The following WASF3 variants were observed in gnomAD, a reference collection of about 807,000 sequenced individuals.
WASF3 encodes WASP family member 3.
A neutral mutation model predicts 46.6 loss-of-function variants in WASF3; 11 were observed. The observed-to-expected ratio is 0.24, with a 90% confidence interval of 0.15 to 0.39. The LOEUF is 0.39. Ranked by LOEUF, WASF3 falls within the 10% of genes least tolerant of loss-of-function variation. The pLI, the probability that WASF3 is intolerant of heterozygous loss-of-function variation, is 1.00. For synonymous variants in WASF3, 242 were observed against 259.7 expected (o/e 0.93, Z 0.65); for missense variants, 576 against 669.8 (o/e 0.86, Z 1.55).
At chr13:26,680,099 G>A in intron 7 of WASF3, 1 of 1,598,124 alleles carries the variant, frequency 6.3e-7, no homozygotes, top group Non-Finnish European at 8.5e-7. Context: ...GTCAGAACAA[G>A]AAAAGAAGAG....
chr13:26,672,653 G>A (rs77626179), intron 6 of WASF3, among the ~76,000 whole-genome samples: 1 of 152,122 alleles, frequency 6.6e-6, no homozygotes, highest in Non-Finnish European at 1.5e-5. Flanking sequence ...TTCTCTAAGG[G>A]CAAGTATTTA....
At chr13:26,623,320 A>T (rs1049604717) in intron 2 of WASF3, among the ~76,000 whole-genome samples, 1 of 152,096 alleles carries the variant, frequency 6.6e-6, no homozygotes, top group Non-Finnish European at 1.5e-5. Context: ...TGCCACTGGG[A>T]GACAGGCATG....
intron 2 of WASF3, among the ~76,000 whole-genome samples, chr13:26,622,413 T>C (rs1881334351): frequency 6.6e-6 from 1 of 152,238 alleles, no homozygotes; most frequent in African/African-American, 2.4e-5. Flanking sequence ...CTACATCCCA[T>C]GAACCCTTAC....
At chr13:26,639,934 G>C (rs1038117324) in intron 2 of WASF3, 3 of 152,298 alleles carry the variant, frequency 2.0e-5, no homozygotes, top group African/African-American at 7.2e-5. Context: ...AATTTCAGTG[G>C]GCTCTCAGCT....
intron 3 of WASF3, among the ~76,000 whole-genome samples, chr13:26,660,223 TTTTTTTAGCAAAA>T (rs1882589435): frequency 7.6e-6 from 1 of 131,158 alleles, no homozygotes; most frequent in African/African-American, 3.2e-5. Flanking sequence ...TTTTTTTTTT[TTTTTTTAGCAAAA>T]AGAACTTTTG....
At chr13:26,642,750 C>T (rs1882036462) in intron 3 of WASF3, among the ~76,000 whole-genome samples, 2 of 152,058 alleles carry the variant, frequency 1.3e-5, no homozygotes, top group Admixed American at 1.3e-4. Context: ...TTGAATAGGA[C>T]CAATTGTTTT....
chr13:26,583,706 A>G (rs541771259), intron 1 of WASF3, among the ~76,000 whole-genome samples: 1 of 152,320 alleles, frequency 6.6e-6, no homozygotes, highest in Non-Finnish European at 1.5e-5. Context: ...CATTTCTAGA[A>G]CATCCTTTTC....
intron 2 of WASF3, among the ~76,000 whole-genome samples, chr13:26,623,698 T>A (rs1055332233): frequency 3.3e-5 from 5 of 152,172 alleles, no homozygotes; most frequent in Admixed American, 2.0e-4. Context: ...GGTATATGGA[T>A]CATTCCTAAA....
At chr13:26,676,861 G>T in intron 7 of WASF3, 137 bp downstream of exon 7, 2 of 804,420 alleles carry the variant, frequency 2.5e-6, no homozygotes, top group African/African-American at 1.8e-5. Flanking sequence ...CTTAAAAATT[G>T]TTTATCTGTA....
intron 2 of WASF3, chr13:26,626,356 T>G (rs189133201): frequency 6.6e-6 from 1 of 152,320 alleles, no homozygotes; most frequent in East Asian, 1.9e-4. Context: ...ATATTGAGGA[T>G]AAACAAATTT....
intron 1 of WASF3, among the ~76,000 whole-genome samples, chr13:26,602,579 ATAGGATCCCC>A (rs1288851839): frequency 2.0e-5 from 3 of 152,214 alleles, no homozygotes; most frequent in African/African-American, 7.2e-5. Flanking sequence ...GTTTGAACAC[ATAGGATCCCC>A]TGTGGGTACA....
chr13:26,640,429 TCTCA>T (rs1394768450), intron 2 of WASF3: 1 of 151,236 alleles, frequency 6.6e-6, no homozygotes, highest in Non-Finnish European at 1.5e-5. Context: ...TTTAAGACAG[TCTCA>T]CTCTGTCACC....
the WASF3 span, among the ~76,000 whole-genome samples, chr13:26,539,258 G>A: frequency 6.6e-6 from 1 of 152,124 alleles, no homozygotes; most frequent in Non-Finnish European, 1.5e-5. Context: ...GAGCATGAGG[G>A]TGGTTGACCA....
At chr13:26,651,098 G>C (rs1262273945) in intron 3 of WASF3, among the ~76,000 whole-genome samples, 1 of 152,174 alleles carries the variant, frequency 6.6e-6, no homozygotes, top group South Asian at 2.1e-4. Flanking sequence ...AAGGCAGGTG[G>C]ATTACTTGAG....
intron 2 of WASF3, chr13:26,638,685 C>G (rs190400443): frequency 6.6e-6 from 1 of 152,180 alleles, no homozygotes; most frequent in Admixed American, 6.5e-5. Flanking sequence ...TTATTCAAAA[C>G]TGAGTTAGTG....
At chr13:26,624,541 A>G (rs1881407602) in intron 2 of WASF3, among the ~76,000 whole-genome samples, 1 of 152,176 alleles carries the variant, frequency 6.6e-6, no homozygotes, top group African/African-American at 2.4e-5. Context: ...AAAAAATACT[A>G]GAAGGCACAG....
intron 1 of WASF3, among the ~76,000 whole-genome samples, chr13:26,601,294 T>C (rs953534860): frequency 1.3e-5 from 2 of 152,232 alleles, no homozygotes; most frequent in African/African-American, 4.8e-5. Context: ...TGGAGTGCTT[T>C]AATTTTAATT....
At chr13:26,647,194 A>G (rs758886783) in intron 3 of WASF3, among the ~76,000 whole-genome samples, 9 of 148,968 alleles carry the variant, frequency 6.0e-5, no homozygotes, top group South Asian at 2.2e-4. Context: ...TGTAACATGA[A>G]TGACGATATA....
intron 1 of WASF3, among the ~76,000 whole-genome samples, chr13:26,565,027 A>T (rs1195966838): frequency 1.4e-5 from 2 of 142,006 alleles, no homozygotes; most frequent in Admixed American, 1.5e-4. Flanking sequence ...TCCTAATGTT[A>T]GAATTAATGT....
Sources: gnomAD v4.1 joint callset for allele counts (sites outside exome capture counted in the v4.1 genomes callset) on GRCh38, gnomAD v4.1.1 for gene constraint, MANE v1.5 for transcripts, NCBI Gene and HGNC (gene_info 2026-07-23, HGNC 2026-07-21) for gene names.